The following PREX1 variants were observed in gnomAD, a reference collection of about 807,000 sequenced individuals.
PREX1 encodes phosphatidylinositol 3,4,5-trisphosphate-dependent Rac exchanger 1 protein.
Under a neutral mutation model 198.3 loss-of-function variants are expected in PREX1, and 41 were observed. That is an observed-to-expected ratio of 0.21 (90% CI 0.16 to 0.27). PREX1 has a LOEUF of 0.27. Among genes scored for constraint, PREX1 ranks in the 10% least tolerant of loss-of-function variants. PREX1 has a pLI of 1.00. For synonymous variants in PREX1, 843 were observed against 887.2 expected (o/e 0.95, Z 0.89); for missense variants, 1,620 against 2,200.7 (o/e 0.74, Z 5.28).
chr20:48,696,620 CAT>C (rs1374929365), intron 7 of PREX1, among the ~76,000 whole-genome samples: 7 of 151,740 alleles, frequency 4.6e-5, no homozygotes, highest in African/African-American at 1.5e-4. Context: ...TACATACATA[CAT>C]ACATACATAC....
chr20:48,876,569 G>A, the PREX1 span, among the ~76,000 whole-genome samples: 3 of 151,910 alleles, frequency 2.0e-5, no homozygotes, highest in Non-Finnish European at 2.9e-5. Context: ...GAGGCAGGTA[G>A]GTTTCCCAGT....
chr20:48,737,359 A>C (rs1270797631), intron 3 of PREX1, among the ~76,000 whole-genome samples: 1 of 151,598 alleles, frequency 6.6e-6, no homozygotes, highest in African/African-American at 2.4e-5. Context: ...AGGATGTTTT[A>C]CGTCTCATTC....
chr20:48,793,786 C>T (rs1044573936), intron 1 of PREX1, among the ~76,000 whole-genome samples: 16 of 152,348 alleles, frequency 1.1e-4, no homozygotes, highest in African/African-American at 3.6e-4. Flanking sequence ...TACATGGAAG[C>T]ATTACTTATT....
chr20:48,792,003 C>T (rs1266447893), intron 1 of PREX1, among the ~76,000 whole-genome samples: 4 of 152,266 alleles, frequency 2.6e-5, no homozygotes, highest in Middle Eastern at 6.8e-3. Context: ...CCAGAAGGCA[C>T]AGATTGGGGT....
chr20:48,726,189 C>G (rs1015544093), intron 5 of PREX1, 101 bp downstream of exon 5: 2 of 964,562 alleles, frequency 2.1e-6, no homozygotes, highest in Non-Finnish European at 1.6e-6. Flanking sequence ...CGGCCCAAAG[C>G]TGACACTGCT....
At position 48,630,774 on chromosome 20, in the gene PREX1, G is replaced by A; in HGVS notation, c.4547C>T (p.Ser1516Phe). ...GGTGCTGGCATCCGTGGGCAGGTTA[G>A]ACCGCTCCAGGTAAAATGCCCTGCG... ...RKLRAFYLER[S>F]NLPTDASTTA... The change falls in exon 36 of 40, where the codon TCT (serine) becomes TTT (phenylalanine). Residue 1516 changes from serine to phenylalanine, a missense_variant. Physicochemically the swap from Ser to Phe is radical, Grantham distance 155 (BLOSUM62 -2). Coordinates refer to ENST00000371941, the MANE Select transcript of PREX1 (RefSeq NM_020820.4). 1 of 1,592,220 alleles carries A rather than the reference G, an allele frequency of 6.3e-7. No individual in the cohort carries two copies. The highest frequency in any genetic ancestry group is 8.6e-7 in the Non-Finnish European group (1 of 1,160,248).
At chr20:48,815,722 G>T (rs548981498) in intron 1 of PREX1, among the ~76,000 whole-genome samples, 4 of 151,912 alleles carry the variant, frequency 2.6e-5, no homozygotes, top group African/African-American at 7.3e-5. Context: ...ATGCTGGGGC[G>T]GCCGGGCACA....
chr20:48,807,744 T>A (rs1430771171), intron 1 of PREX1, among the ~76,000 whole-genome samples: 1 of 152,174 alleles, frequency 6.6e-6, no homozygotes, highest in East Asian at 1.9e-4. Flanking sequence ...AGGCCAGCGC[T>A]GGGCATTATG....
At chr20:48,833,511 G>A in the PREX1 span, among the ~76,000 whole-genome samples, 2 of 148,974 alleles carry the variant, frequency 1.3e-5, no homozygotes, top group African/African-American at 2.5e-5. Flanking sequence ...CCGCGATCTC[G>A]GCTCACTGCA....
At chr20:48,748,967 G>A (rs1308370431) in intron 1 of PREX1, among the ~76,000 whole-genome samples, 1 of 152,208 alleles carries the variant, frequency 6.6e-6, no homozygotes, top group Non-Finnish European at 1.5e-5. Flanking sequence ...GGGGGACCAG[G>A]GCAGTAGGGT....
Position 48,827,210 on chromosome 20 carries a change from T to C in PREX1, c.219+432A>G, listed in dbSNP as rs1438517741. ...CCTACTCCATCAACGCGCAGGGACG[T>C]TGGGCTCTGGGGCTCCTACGGTATG... On this transcript the variant is annotated intron_variant, in intron 1 of 39. Transcript: ENST00000371941. The surrounding 1 kb of genome is among the most constrained non-coding windows in gnomAD (Gnocchi z 4.1). 6.6e-6 allele frequency among the ~76,000 whole-genome samples: 1 copy of C among 152,172 alleles called. No homozygotes were observed. Among genetic ancestry groups the C allele is most frequent in the East Asian group, 1.9e-4 (1 of 5,200 alleles).
Position 48,658,187 on chromosome 20 carries a change from C to T in PREX1, c.1923G>A (p.Glu641=). ...ACTTCACCACCACAGCCTTGTTCTTCTCCTCGATGTCAAAGCCATAGTCCT... is the reference window on the plus strand; with the variant it reads ...ACTTCACCACCACAGCCTTGTTCTTTTCCTCGATGTCAAAGCCATAGTCCT... The part of the protein sequence containing the change: ...QEEDYGFDIE[E]KNKAVVVKSV... Residue 641 remains glutamate, a synonymous_variant, in exon 17 of 40, where the codon GAG becomes GAA. Coordinates refer to ENST00000371941, the MANE Select transcript of PREX1 (RefSeq NM_020820.4). 1 of 1,614,192 alleles carries T rather than the reference C, an allele frequency of 6.2e-7. No homozygotes were observed. The highest frequency in any genetic ancestry group is 1.3e-5 in the African/African-American group (1 of 75,062).
In PREX1 at chr20:48,686,224, G is replaced by C. The variant is rs558605909; in HGVS notation, c.1334+2433C>G. On this transcript the variant is annotated intron_variant, in intron 10 of 39. Transcript: ENST00000371941. ...TGATCAATATCTCGGAGGCTACCAA[G>C]TCCTTCTACCCTGGAGGACCAGGGA... is the stretch of plus-strand genomic sequence containing the variant. Among the ~76,000 whole-genome samples, 6 of 152,240 alleles carry C rather than the reference G, an allele frequency of 3.9e-5. No homozygotes were observed. The East Asian group carries it at 1.2e-3, about 29-fold the overall frequency.
At chr20:48,773,507 T>C (rs2090246843) in intron 1 of PREX1, among the ~76,000 whole-genome samples, 1 of 152,160 alleles carries the variant, frequency 6.6e-6, no homozygotes, top group African/African-American at 2.4e-5. Flanking sequence ...CATTCATTCA[T>C]TCAGCAGGTA....
At chr20:48,777,231 C>T (rs1821891958) in intron 1 of PREX1, among the ~76,000 whole-genome samples, 1 of 152,142 alleles carries the variant, frequency 6.6e-6, no homozygotes, top group South Asian at 2.1e-4. Context: ...GGCACAAACA[C>T]CAGACCAGGT....
chr20:48,752,008 G>T (rs978464038), intron 1 of PREX1, among the ~76,000 whole-genome samples: 5 of 152,278 alleles, frequency 3.3e-5, no homozygotes, highest in Middle Eastern at 3.4e-3. Flanking sequence ...GGATGAGGAG[G>T]CTCTTGGGGG....
upstream of PREX1, among the ~76,000 whole-genome samples, chr20:48,829,156 G>C (rs1036486787): frequency 1.3e-5 from 2 of 152,058 alleles, no homozygotes; most frequent in Admixed American, 6.6e-5. Context: ...CATGTGTGAA[G>C]CCCAACACCT....
chr20:48,688,888 C>T (rs569815396), intron 9 of PREX1, 84 bp from the exon 10 acceptor site: 1 of 1,534,826 alleles, frequency 6.5e-7, no homozygotes, highest in African/African-American at 1.4e-5. Flanking sequence ...AGGCCCACAG[C>T]TCCTGAAAGC....
intron 3 of PREX1, among the ~76,000 whole-genome samples, chr20:48,743,636 C>G (rs1291828679): frequency 6.6e-6 from 1 of 152,262 alleles, no homozygotes; most frequent in Non-Finnish European, 1.5e-5. Context: ...TGAGCACTTA[C>G]TGTGCCAGGA....
Sources: allele counts gnomAD v4.1 joint callset (sites outside exome capture counted in the v4.1 genomes callset), GRCh38; gene constraint gnomAD v4.1.1; non-coding constraint Gnocchi (gnomAD v3.1); transcripts MANE v1.5; gene names NCBI Gene and HGNC (gene_info 2026-07-23, HGNC 2026-07-21).